The following MCC variants were observed in gnomAD, a reference collection of about 807,000 sequenced individuals.
MCC encodes the protein colorectal mutant cancer protein.
A neutral mutation model predicts 116.2 loss-of-function variants in MCC; 90 were observed. The observed-to-expected ratio is 0.77, with a 90% confidence interval of 0.65 to 0.92. The LOEUF (loss-of-function observed/expected upper bound fraction) is 0.92, where lower values mean the gene tolerates loss of function less well. MCC is among the 40% of genes least tolerant of loss of function. The pLI is 0.00. For synonymous variants in MCC, 578 were observed against 510.5 expected, an observed-to-expected ratio of 1.13 and a Z score of -1.78; for missense variants, 1,516 against 1,312.2, an observed-to-expected ratio of 1.16 and a Z score of -2.40.
At chr5:113,282,566 A>C (rs1766089162) in intron 3 of MCC, among the ~76,000 whole-genome samples, 1 of 152,166 alleles carries the variant, frequency 6.6e-6, no homozygotes, top group Non-Finnish European at 1.5e-5. Context: ...ATTTGATTTT[A>C]AATCTACCTA....
At chr5:113,185,252 A>G (rs1009568511) in intron 3 of MCC, among the ~76,000 whole-genome samples, 5 of 152,132 alleles carry the variant, frequency 3.3e-5, no homozygotes, top group African/African-American at 1.2e-4. Context: ...GAGGAAGGAG[A>G]GTTGTAAATG....
intron 6 of MCC, among the ~76,000 whole-genome samples, chr5:113,117,998 T>C (rs1007725079): frequency 3.3e-5 from 5 of 151,918 alleles, no homozygotes; most frequent in African/African-American, 1.2e-4. Context: ...AACCGAGGAG[T>C]ATCAAAGGAA....
intron 8 of MCC, among the ~76,000 whole-genome samples, chr5:113,099,784 T>C (rs1368726992): frequency 3.9e-5 from 6 of 152,210 alleles, no homozygotes; most frequent in Admixed American, 2.6e-4. Flanking sequence ...GGGGACTTTT[T>C]ATTTTTTGCT....
chr5:113,299,155 G>A (rs1766787125), intron 3 of MCC, among the ~76,000 whole-genome samples: 1 of 151,860 alleles, frequency 6.6e-6, no homozygotes, highest in Admixed American at 6.6e-5. Context: ...GGGCGTGGTG[G>A]CACACACCTA....
At chr5:113,128,936 A>G (rs574003236) in intron 5 of MCC, among the ~76,000 whole-genome samples, 1 of 152,332 alleles carries the variant, frequency 6.6e-6, no homozygotes, top group South Asian at 2.1e-4. Context: ...TGTACGTGAT[A>G]CCAACAACAC....
chr5:113,090,190 C>A (rs984424388), intron 8 of MCC, among the ~76,000 whole-genome samples: 1 of 151,444 alleles, frequency 6.6e-6, no homozygotes, highest in Non-Finnish European at 1.5e-5. Flanking sequence ...ACCTTTTTCT[C>A]GGGGAGAAAA....
intron 8 of MCC, among the ~76,000 whole-genome samples, chr5:113,099,206 G>A (rs923581182): frequency 6.6e-6 from 1 of 152,242 alleles, no homozygotes; most frequent in African/African-American, 2.4e-5. Flanking sequence ...AGTTGAGGAA[G>A]AGATAAAAGT....
intron 3 of MCC, chr5:113,269,286 G>A (rs1370039651): frequency 1.2e-6 from 1 of 816,212 alleles, no homozygotes; most frequent in Non-Finnish European, 1.5e-6. Context: ...GGGAACCAGA[G>A]GCCAATGAAC....
At chr5:113,097,540 A>G (rs924939632) in intron 8 of MCC, among the ~76,000 whole-genome samples, 8 of 152,216 alleles carry the variant, frequency 5.3e-5, no homozygotes, top group African/African-American at 1.9e-4. Flanking sequence ...TAAATTCATA[A>G]TAAATATAAA....
chr5:113,200,751 A>G (rs942990516), intron 3 of MCC, among the ~76,000 whole-genome samples: 5 of 152,198 alleles, frequency 3.3e-5, no homozygotes, highest in African/African-American at 1.2e-4. Flanking sequence ...AATTTCAAAG[A>G]GCAAATAGGG....
chr5:113,443,092 T>C (rs1771092451), intron 1 of MCC, among the ~76,000 whole-genome samples: 1 of 152,234 alleles, frequency 6.6e-6, no homozygotes, highest in Non-Finnish European at 1.5e-5. Flanking sequence ...CTTTGGGCAG[T>C]ATGGCCATTT....
At chr5:113,330,987 A>G (rs969617036) in intron 3 of MCC, among the ~76,000 whole-genome samples, 2 of 152,208 alleles carry the variant, frequency 1.3e-5, no homozygotes, top group Non-Finnish European at 2.9e-5. Context: ...CAGATTGCCA[A>G]AGGGCAGAAG....
chr5:113,463,261 G>A (rs1033153204), intron 1 of MCC, among the ~76,000 whole-genome samples: 1 of 152,148 alleles, frequency 6.6e-6, no homozygotes, highest in African/African-American at 2.4e-5. Context: ...CTCACTTGAA[G>A]GGTTGTAAGC....
At chr5:113,206,154 G>A (rs900764772) in intron 3 of MCC, among the ~76,000 whole-genome samples, 2 of 152,150 alleles carry the variant, frequency 1.3e-5, no homozygotes, top group Admixed American at 1.3e-4. Flanking sequence ...TTTACATACA[G>A]GAAAACTGAG....
chr5:113,371,535 C>A (rs1015897260), intron 2 of MCC, among the ~76,000 whole-genome samples: 5 of 152,198 alleles, frequency 3.3e-5, no homozygotes. Flanking sequence ...CTAGAACTGA[C>A]AAATATGCAT....
At chr5:113,341,986 C>T (rs1024817082) in intron 2 of MCC, among the ~76,000 whole-genome samples, 1 of 150,198 alleles carries the variant, frequency 6.7e-6, no homozygotes, top group African/African-American at 2.5e-5. Flanking sequence ...TATCCCTCAC[C>T]CCCCCACTCA....
intron 5 of MCC, among the ~76,000 whole-genome samples, chr5:113,141,361 A>T (rs184073966): frequency 6.6e-6 from 1 of 152,356 alleles, no homozygotes; most frequent in East Asian, 1.9e-4. Flanking sequence ...GCTTGCAGTC[A>T]GCCTGTTGTG....
At chr5:113,069,246 T>C (rs1753853257) in intron 12 of MCC, among the ~76,000 whole-genome samples, 1 of 152,226 alleles carries the variant, frequency 6.6e-6, no homozygotes, top group Admixed American at 6.5e-5. Context: ...TCATGAAACA[T>C]TCTTAGGCCT....
Position 113,098,507 on chromosome 5 carries a change from C to T in MCC, c.1398+3232G>A, listed in dbSNP as rs1186226693. On this transcript the variant is annotated intron_variant, in intron 8 of 18. Transcript: ENST00000408903. Reference sequence around the variant, plus strand: ...TAATTCTCCCTTGCCTACATTAAGCCCAATTCTTTATGTGTGAGGAAATAC... The same window carrying T: ...TAATTCTCCCTTGCCTACATTAAGCTCAATTCTTTATGTGTGAGGAAATAC... Among the ~76,000 whole-genome samples the T allele has an allele frequency of 2.2e-4, 34 of 152,104 alleles. 1 individual carries two copies. Among genetic ancestry groups the T allele is most frequent in the Admixed American group, 2.2e-3 (34 of 15,278 alleles).
Sources: allele counts gnomAD v4.1 joint callset (sites outside exome capture counted in the v4.1 genomes callset), GRCh38; gene constraint gnomAD v4.1.1; transcripts MANE v1.5; gene names NCBI Gene and HGNC (gene_info 2026-07-23, HGNC 2026-07-21).